ZSCAN5A: variants seen among roughly 807,000 people sequenced by gnomAD.
ZSCAN5A encodes zinc finger and SCAN domain containing 5A.
In ZSCAN5A, 12 loss-of-function variants were observed where a neutral mutation model predicts 23.7. The observed-to-expected ratio is 0.51, with a 90% CI of 0.32 to 0.82. ZSCAN5A has a LOEUF of 0.82. Ranked by LOEUF, ZSCAN5A falls within the 40% of genes least tolerant of loss-of-function variation. The pLI, the probability that ZSCAN5A is intolerant of heterozygous loss-of-function variation, is 0.03. For missense variants in ZSCAN5A, 597 were observed against 617.9 expected (o/e 0.97, Z 0.36); for synonymous variants, 257 against 239.9 (o/e 1.07, Z -0.66).
chr19:56,243,217 T>C (rs1001081216), intron 2 of ZSCAN5A, among the ~76,000 whole-genome samples: 1 of 23,496 alleles, frequency 4.3e-5, no homozygotes, highest in Admixed American at 6.1e-4. Context: ...GGGGCTGGGG[T>C]GGGTGGGCAG....
At chr19:56,231,810 A>G (rs979274761) in intron 2 of ZSCAN5A, among the ~76,000 whole-genome samples, 9 of 152,196 alleles carry the variant, frequency 5.9e-5, no homozygotes, top group African/African-American at 2.2e-4. Context: ...AAGTTCTGAC[A>G]TTTGTACATA....
intron 2 of ZSCAN5A, among the ~76,000 whole-genome samples, chr19:56,257,625 C>T (rs189394093): frequency 1.2e-4 from 17 of 142,608 alleles, no homozygotes; most frequent in African/African-American, 2.8e-4. Flanking sequence ...TAGACACAGG[C>T]GCTGGGGGAC....
chr19:56,303,704 T>C (rs572071878), intron 2 of ZSCAN5A, among the ~76,000 whole-genome samples: 1 of 152,022 alleles, frequency 6.6e-6, no homozygotes, highest in Non-Finnish European at 1.5e-5. Flanking sequence ...ATGTTTGGGA[T>C]AGCAGGAGGA....
rs749896154 is a variant in ZSCAN5A, at chr19:56,357,875, C to T, written c.-358+5360G>A. On this transcript the variant is annotated intron_variant, in intron 2 of 6. Coordinates refer to the ZSCAN5A transcript ENST00000587340. ...TGCTGTATTCAAGAGACCCATCTCA[C>T]GTGCAAAGATACACCTAGGCTCAAA... is the stretch of plus-strand genomic sequence containing the variant. Among the ~76,000 whole-genome samples the T allele has an allele frequency of 1.1e-4, 16 of 148,378 alleles. 2 individuals are homozygous for T. The highest frequency in any genetic ancestry group is 1.9e-4 in the East Asian group (1 of 5,168).
intron 2 of ZSCAN5A, chr19:56,272,932 G>C (rs2037959206): frequency 1.0e-6 from 1 of 979,314 alleles, no homozygotes; most frequent in Non-Finnish European, 1.2e-6. Context: ...AATGCTTCCA[G>C]CCATGCCTTG....
intron 2 of ZSCAN5A, among the ~76,000 whole-genome samples, chr19:56,307,798 T>C (rs987897180): frequency 1.3e-5 from 2 of 152,208 alleles, no homozygotes; most frequent in African/African-American, 4.8e-5. Context: ...ATATTTTGGG[T>C]ACACACCTAT....
chr19:56,316,759 C>G (rs1032993352), upstream of ZSCAN5A: 1 of 152,348 alleles, frequency 6.6e-6, no homozygotes, highest in East Asian at 1.9e-4. Context: ...AATCAGGTTA[C>G]AAATTCTCTG....
intron 4 of ZSCAN5A, 118 bp from the exon 5 acceptor site, chr19:56,222,859 C>T (rs1025243978): frequency 1.3e-5 from 18 of 1,406,314 alleles, no homozygotes; most frequent in East Asian, 4.6e-5. Context: ...TGTGGAAATA[C>T]GTGCAGACTT....
At chr19:56,295,626 A>T (rs1366934824) in intron 2 of ZSCAN5A, among the ~76,000 whole-genome samples, 1 of 151,852 alleles carries the variant, frequency 6.6e-6, no homozygotes, top group African/African-American at 2.4e-5. Flanking sequence ...ACAAAAACAA[A>T]CAGAAGAGAT....
chr19:56,257,915 G>A (rs1202637074), intron 2 of ZSCAN5A, among the ~76,000 whole-genome samples: 1 of 131,002 alleles, frequency 7.6e-6, no homozygotes, highest in African/African-American at 3.1e-5. Flanking sequence ...AGACACAGGC[G>A]CCGGGAGACT....
intron 2 of ZSCAN5A, among the ~76,000 whole-genome samples, chr19:56,225,580 T>C (rs991002844): frequency 1.2e-4 from 18 of 152,186 alleles, no homozygotes; most frequent in African/African-American, 4.1e-4. Context: ...TGTAATATTT[T>C]CCCCAACACA....
rs2036552960 is a variant in ZSCAN5A at position 56,254,312 on chromosome 19, CAGG to C, written c.-127-29142_-127-29140del. Among the ~76,000 whole-genome samples the C allele has an allele frequency of 2.0e-5, 3 of 152,180 alleles. No homozygotes were observed. The South Asian group carries it at 6.2e-4, about 32-fold the overall frequency. ...GACTATTTTATTTATTATACAATTT[CAGG>C]AGGAGACCAATGTTTTCATCATCTT... On this transcript the variant is annotated intron_variant, in intron 2 of 5. Coordinates refer to ENST00000683990, the MANE Select transcript of ZSCAN5A (RefSeq NM_001322064.3).
At position 56,221,311 on chromosome 19, in the gene ZSCAN5A, T is replaced by C. The variant is rs952068215; in HGVS notation, c.*264A>G. On this transcript the variant is annotated 3_prime_UTR_variant, in exon 6 of 6. Coordinates refer to ENST00000683990, the MANE Select transcript of ZSCAN5A (RefSeq NM_001322064.3). Reference sequence around the variant, plus strand: ...AACTCAGTTTTCCGTTATACAATATTGAAAACTAATAAGATGATCGTTTAT... The same window carrying C: ...AACTCAGTTTTCCGTTATACAATATCGAAAACTAATAAGATGATCGTTTAT... The C allele has an allele frequency of 3.8e-5, 14 of 364,374 alleles. No individual in the cohort carries two copies. Among genetic ancestry groups the C allele is most frequent in the Non-Finnish European group, 6.8e-5 (14 of 204,734 alleles). The allele number at this position is 364,374 out of a possible 1,614,324, so 22.6% of individuals were successfully genotyped here. A position where few individuals can be genotyped will look rare whatever the true frequency, so the allele number is the denominator to read the frequency against.
intron 2 of ZSCAN5A, among the ~76,000 whole-genome samples, chr19:56,227,170 G>T (rs532369377): frequency 6.6e-6 from 1 of 152,112 alleles, no homozygotes; most frequent in South Asian, 2.1e-4. Context: ...TAGATTTCAA[G>T]TATTCTCAAA....
intron 2 of ZSCAN5A, among the ~76,000 whole-genome samples, chr19:56,303,428 A>G (rs2040477939): frequency 6.6e-6 from 1 of 150,586 alleles, no homozygotes; most frequent in African/African-American, 2.4e-5. Context: ...CAGTGAGCCA[A>G]GATCACACCA....
At chr19:56,266,391 G>A (rs1003984718) in intron 2 of ZSCAN5A, 1 of 152,054 alleles carries the variant, frequency 6.6e-6, no homozygotes, top group African/African-American at 2.4e-5. Flanking sequence ...GTTGGGGCAG[G>A]TGCCCAAAGA....
At chr19:56,229,837 G>T (rs1258119581) in intron 2 of ZSCAN5A, among the ~76,000 whole-genome samples, 2 of 151,770 alleles carry the variant, frequency 1.3e-5, no homozygotes, top group African/African-American at 4.8e-5. Context: ...GGTTTTTAGG[G>T]GTTCTTTTGC....
chr19:56,254,252 G>A (rs2036550434), intron 2 of ZSCAN5A, among the ~76,000 whole-genome samples: 1 of 135,038 alleles, frequency 7.4e-6, no homozygotes. Flanking sequence ...ATAAACTTTG[G>A]TTGCTATATA....
chr19:56,355,033 A>AAC (rs1297029212), intron 2 of ZSCAN5A, among the ~76,000 whole-genome samples: 1 of 152,194 alleles, frequency 6.6e-6, no homozygotes, highest in African/African-American at 2.4e-5. Context: ...CTTAGCTGTA[A>AAC]ACCAGCACCT....
Sources: allele counts gnomAD v4.1 joint callset (sites outside exome capture counted in the v4.1 genomes callset), GRCh38; gene constraint gnomAD v4.1.1; transcripts MANE v1.5; gene names NCBI Gene and HGNC (gene_info 2026-07-23, HGNC 2026-07-21).